XYLT1: variants seen among roughly 807,000 people sequenced by gnomAD.
The protein encoded by XYLT1 is beta-D-xylosyltransferase 1.
XYLT1 carries 36 observed loss-of-function variants against 91.3 expected under a neutral mutation model. That is an observed-to-expected ratio of 0.39 (90% CI 0.30 to 0.52). The LOEUF is 0.52. XYLT1 is among the 20% of genes least tolerant of loss of function. XYLT1 has a pLI of 0.68. For missense variants in XYLT1, 1,242 were observed against 1,284.5 expected, an observed-to-expected ratio of 0.97 and a Z score of 0.51; for synonymous variants, 588 against 532.0, an observed-to-expected ratio of 1.11 and a Z score of -1.45.
intron 2 of XYLT1, among the ~76,000 whole-genome samples, chr16:17,310,785 G>C (rs1342290004): frequency 6.6e-6 from 1 of 152,174 alleles, no homozygotes; most frequent in Admixed American, 6.5e-5. Flanking sequence ...GGAGGCAGAG[G>C]TTGCAGTGAG....
In XYLT1 at chr16:17,200,466, C is replaced by A. The variant is rs1300293823; in HGVS notation, c.1086+16G>T. On this transcript the variant is annotated intron_variant, in intron 4 of 11. Coordinates refer to ENST00000261381, the MANE Select transcript of XYLT1 (RefSeq NM_022166.4). ...CGAAGAAAGCCCAGCAAGGGGTGAT[C>A]ACAGAGGCCTCTCACCTTGTCCACG... 1.2e-6 allele frequency: 2 copies of A among 1,605,936 alleles called. No individual in the cohort carries two copies. Among genetic ancestry groups the A allele is most frequent in the Non-Finnish European group, 1.7e-6 (2 of 1,173,128 alleles).
intron 2 of XYLT1, among the ~76,000 whole-genome samples, chr16:17,347,106 T>C (rs970034200): frequency 1.3e-5 from 2 of 152,224 alleles, no homozygotes; most frequent in Non-Finnish European, 2.9e-5. Context: ...CTGTTGGCTC[T>C]CAGAGGTACA....
At chr16:17,205,778 A>G (rs1478807536) in intron 3 of XYLT1, among the ~76,000 whole-genome samples, 1 of 152,140 alleles carries the variant, frequency 6.6e-6, no homozygotes, top group African/African-American at 2.4e-5. Flanking sequence ...GTATGCCCAG[A>G]CCACAATTAA....
At chr16:17,402,744 T>C (rs1206304614) in intron 1 of XYLT1, among the ~76,000 whole-genome samples, 1 of 73,614 alleles carries the variant, frequency 1.4e-5, no homozygotes, top group Non-Finnish European at 2.7e-5. Flanking sequence ...TTTTCTTTTC[T>C]TTTTTTTTTT....
At chr16:17,238,470 G>A (rs1336406457) in intron 3 of XYLT1, among the ~76,000 whole-genome samples, 4 of 152,248 alleles carry the variant, frequency 2.6e-5, no homozygotes, top group South Asian at 2.1e-4. Flanking sequence ...AGGTTGGAAA[G>A]TAGCCACAGA....
intron 2 of XYLT1, among the ~76,000 whole-genome samples, chr16:17,308,176 T>A (rs766469115): frequency 6.6e-6 from 1 of 152,166 alleles, no homozygotes; most frequent in Non-Finnish European, 1.5e-5. Flanking sequence ...CCAGTTCCTG[T>A]AGACACATCC....
intron 2 of XYLT1, among the ~76,000 whole-genome samples, chr16:17,342,039 C>A (rs2035069992): frequency 6.6e-6 from 1 of 152,194 alleles, no homozygotes; most frequent in Non-Finnish European, 1.5e-5. Context: ...AAGGCCATGT[C>A]ATTCCTCTGT....
At chr16:17,399,756 C>T (rs2035940188) in intron 1 of XYLT1, among the ~76,000 whole-genome samples, 1 of 152,170 alleles carries the variant, frequency 6.6e-6, no homozygotes, top group Admixed American at 6.5e-5. Flanking sequence ...ATCACTTCTG[C>T]ACCCCTGTCC....
chr16:17,179,456 T>C (rs1414878813), intron 5 of XYLT1, among the ~76,000 whole-genome samples: 10 of 152,220 alleles, frequency 6.6e-5, no homozygotes, highest in Non-Finnish European at 1.5e-4. Flanking sequence ...CCTCATAACT[T>C]TCTGGCATAT....
chr16:17,226,245 G>A (rs2033064210), intron 3 of XYLT1, among the ~76,000 whole-genome samples: 1 of 152,184 alleles, frequency 6.6e-6, no homozygotes, highest in South Asian at 2.1e-4. Context: ...GTGACTCTGA[G>A]CAACTGAAAC....
At chr16:17,461,605 T>G (rs763291317) in intron 1 of XYLT1, among the ~76,000 whole-genome samples, 2 of 152,038 alleles carry the variant, frequency 1.3e-5, no homozygotes, top group African/African-American at 4.8e-5. Flanking sequence ...AATGGACGGA[T>G]AGATGGATGG....
At chr16:17,229,797 G>A (rs893568582) in intron 3 of XYLT1, among the ~76,000 whole-genome samples, 2 of 152,080 alleles carry the variant, frequency 1.3e-5, no homozygotes, top group African/African-American at 4.8e-5. Flanking sequence ...TGGGTTAAAC[G>A]GCATCCCTCC....
chr16:17,430,284 C>T (rs2036374848), intron 1 of XYLT1, among the ~76,000 whole-genome samples: 1 of 152,086 alleles, frequency 6.6e-6, no homozygotes, highest in Non-Finnish European at 1.5e-5. Flanking sequence ...TGAGTACCAC[C>T]ATGATGCTCA....
At chr16:17,137,249 T>C (rs2030767771) in intron 8 of XYLT1, among the ~76,000 whole-genome samples, 1 of 152,126 alleles carries the variant, frequency 6.6e-6, no homozygotes, top group Non-Finnish European at 1.5e-5. Flanking sequence ...TGCCTTCGTT[T>C]CCTTACCTGA....
At chr16:17,394,201 T>A (rs1365710201) in intron 1 of XYLT1, among the ~76,000 whole-genome samples, 1 of 152,202 alleles carries the variant, frequency 6.6e-6, no homozygotes, top group East Asian at 1.9e-4. Context: ...AAAACTTCAA[T>A]TTCTCACTGC....
At chr16:17,192,710 G>A (rs900203123) in intron 5 of XYLT1, among the ~76,000 whole-genome samples, 4 of 151,844 alleles carry the variant, frequency 2.6e-5, no homozygotes, top group Non-Finnish European at 5.9e-5. Context: ...CTCAGCTTGC[G>A]TATGCCAAGT....
chr16:17,193,021 C>G (rs1188720399), intron 5 of XYLT1: 1 of 152,042 alleles, frequency 6.6e-6, no homozygotes, highest in African/African-American at 2.4e-5. Flanking sequence ...TCATGTTGGC[C>G]AGGCTGGTCT....
At chr16:17,247,536 A>G (rs2033459345) in intron 3 of XYLT1, among the ~76,000 whole-genome samples, 1 of 152,190 alleles carries the variant, frequency 6.6e-6, no homozygotes, top group Non-Finnish European at 1.5e-5. Flanking sequence ...GATTAATGAA[A>G]GTACACTCAA....
At chr16:17,142,026 CCTGAGTAGCTAGGACTA>C (rs995983932) in intron 6 of XYLT1, among the ~76,000 whole-genome samples, 5 of 152,154 alleles carry the variant, frequency 3.3e-5, no homozygotes, top group Admixed American at 3.3e-4. Flanking sequence ...GCCTCCAGCT[CCTGAGTAGCTAGGACTA>C]CAGGCATGCA....
Sources: gnomAD v4.1 joint callset for allele counts (sites outside exome capture counted in the v4.1 genomes callset) on GRCh38, gnomAD v4.1.1 for gene constraint, MANE v1.5 for transcripts, NCBI Gene and HGNC (gene_info 2026-07-23, HGNC 2026-07-21) for gene names.